Variants in ZNF280D observed in about 807,000 individuals in gnomAD.
ZNF280D encodes suppressor of hairy wing homolog 4.
Under a neutral mutation model 94.7 loss-of-function variants are expected in ZNF280D, and 39 were observed. That is an observed-to-expected ratio of 0.41 (90% CI 0.32 to 0.54). The LOEUF (loss-of-function observed/expected upper bound fraction) is 0.54. Ranked by LOEUF, ZNF280D falls within the 20% of genes least tolerant of loss-of-function variation. The pLI, the probability that ZNF280D is intolerant of heterozygous loss-of-function variation, is 0.22. For synonymous variants in ZNF280D, 398 were observed against 377.6 expected (o/e 1.05, Z -0.63); for missense variants, 1,090 against 1,149.3 (o/e 0.95, Z 0.75).
chr15:56,709,794 T>C (rs1482585834), intron 1 of ZNF280D, among the ~76,000 whole-genome samples: 1 of 151,816 alleles, frequency 6.6e-6, no homozygotes, highest in Non-Finnish European at 1.5e-5. Flanking sequence ...CACTCATAGA[T>C]GGGAATTGAA....
intron 6 of ZNF280D, chr15:56,700,683 G>C (rs1362755532): frequency 2.8e-6 from 4 of 1,419,358 alleles, no homozygotes; most frequent in African/African-American, 1.4e-5. Context: ...CATTTTGATA[G>C]TATAGTTTTC....
chr15:56,675,503 G>A (rs1339231986), intron 13 of ZNF280D, among the ~76,000 whole-genome samples: 2 of 151,558 alleles, frequency 1.3e-5, no homozygotes, highest in African/African-American at 4.9e-5. Context: ...ATAAATATCT[G>A]TATTAAATTT....
At chr15:56,653,811 T>C (rs2140678087) in intron 19 of ZNF280D, 4 of 1,259,926 alleles carry the variant, frequency 3.2e-6, no homozygotes, top group South Asian at 2.9e-5. Flanking sequence ...TAGCAACAAA[T>C]GTTATTTTTA....
intron 1 of ZNF280D, among the ~76,000 whole-genome samples, chr15:56,723,583 A>C (rs979270276): frequency 2.0e-5 from 3 of 152,170 alleles, no homozygotes; most frequent in Non-Finnish European, 4.4e-5. Context: ...CCCTTTTTCT[A>C]CTAAACTGCC....
intron 19 of ZNF280D, chr15:56,652,493 CAATAT>C (rs2053264688): frequency 2.6e-6 from 1 of 390,042 alleles, no homozygotes; most frequent in African/African-American, 2.2e-5. Flanking sequence ...GGCACTTAAA[CAATAT>C]AATTTTTATT....
At chr15:56,727,827 T>C (rs2058701982) in intron 1 of ZNF280D, among the ~76,000 whole-genome samples, 2 of 152,098 alleles carry the variant, frequency 1.3e-5, no homozygotes, top group African/African-American at 4.8e-5. Flanking sequence ...CTTGGATGAG[T>C]TACTTTAGAT....
At position 56,654,365 on chromosome 15, in the gene ZNF280D, G is replaced by A. The variant is rs1470908913; in HGVS notation, c.2176+20C>T. ...GAATAAAAGTCAAAAATCTAAAGTA[G>A]CACAGTTACATATACGTACCTTTCT... On this transcript the variant is annotated intron_variant, in intron 18 of 21. Coordinates refer to ENST00000267807, the MANE Select transcript of ZNF280D (RefSeq NM_017661.4). 2 of 1,599,474 alleles carry A rather than the reference G, an allele frequency of 1.3e-6. No individual in the cohort carries two copies. The highest frequency in any genetic ancestry group is 1.7e-6 in the Non-Finnish European group (2 of 1,175,920).
At chr15:56,659,020 T>C (rs1183768275) in intron 16 of ZNF280D, among the ~76,000 whole-genome samples, 1 of 151,804 alleles carries the variant, frequency 6.6e-6, no homozygotes, top group Non-Finnish European at 1.5e-5. Context: ...TAATTACTAG[T>C]AGACTTTTTT....
rs1259988865 is a variant in ZNF280D at position 56,733,475 on chromosome 15, G to A, written c.-103C>T. ...GCGCTTACCGTGAGCGGAGCGGATC[G>A]GCCTGACTGGAGCCCTGAGGAGGAG... On this transcript the variant is annotated 5_prime_UTR_variant, in exon 1 of 22. Transcript: ENST00000267807. 1 of 1,116,748 alleles carries A rather than the reference G, an allele frequency of 9.0e-7. No individual in the cohort carries two copies. Among genetic ancestry groups the A allele is most frequent in the Non-Finnish European group, 1.1e-6 (1 of 905,610 alleles). 69.2% of individuals were successfully genotyped at this position (1,116,748 alleles called of 1,614,324 possible).
chr15:56,699,635 C>T, intron 6 of ZNF280D: 1 of 881,216 alleles, frequency 1.1e-6, no homozygotes, highest in Non-Finnish European at 1.4e-6. Flanking sequence ...ATTGTAAATA[C>T]TTTAAAGATT....
Position 56,722,331 on chromosome 15 carries a change from T to C in ZNF280D, c.-86+11127A>G, listed in dbSNP as rs370190330. Among the ~76,000 whole-genome samples, 54 of 152,328 alleles carry C rather than the reference T, an allele frequency of 3.5e-4. No homozygotes were observed. In the South Asian group the frequency reaches 8.1e-3, roughly 23 times the overall value. On this transcript the variant is annotated intron_variant, in intron 1 of 21. Coordinates refer to ENST00000267807, the MANE Select transcript of ZNF280D (RefSeq NM_017661.4). ...CACGCTGTTGGAAAAATGGCTGAGATAGACTTGCTCAACAAAGTTGCCACA... is the reference window on the plus strand; with the variant it reads ...CACGCTGTTGGAAAAATGGCTGAGACAGACTTGCTCAACAAAGTTGCCACA...
chr15:56,694,608 C>A (rs1362875475), intron 6 of ZNF280D, among the ~76,000 whole-genome samples: 1 of 152,100 alleles, frequency 6.6e-6, no homozygotes, highest in African/African-American at 2.4e-5. Flanking sequence ...ATAAAAACAA[C>A]AGCAACATTT....
At chr15:56,664,324 C>A (rs1270697970) in intron 16 of ZNF280D, among the ~76,000 whole-genome samples, 2 of 152,076 alleles carry the variant, frequency 1.3e-5, no homozygotes, top group African/African-American at 2.4e-5. Flanking sequence ...ATAAGGAAAA[C>A]AGGCAGTTGG....
At chr15:56,664,743 T>C (rs1380058096) in intron 16 of ZNF280D, among the ~76,000 whole-genome samples, 2 of 152,206 alleles carry the variant, frequency 1.3e-5, no homozygotes, top group Non-Finnish European at 2.9e-5. Flanking sequence ...AAATCAGAGT[T>C]GACTAAATCA....
chr15:56,715,277 C>CT (rs1293637053), intron 1 of ZNF280D, among the ~76,000 whole-genome samples: 6 of 152,004 alleles, frequency 3.9e-5, no homozygotes, highest in Admixed American at 1.3e-4. Flanking sequence ...TTCATTAGCA[C>CT]TTTTTTTAAA....
intron 1 of ZNF280D, among the ~76,000 whole-genome samples, chr15:56,709,614 G>A (rs1387261712): frequency 6.6e-6 from 1 of 152,136 alleles, no homozygotes; most frequent in African/African-American, 2.4e-5. Flanking sequence ...CAACCCAAAT[G>A]TCCATCAACG....
In ZNF280D at chr15:56,636,485, ATT is replaced by A. The variant is rs71113011; in HGVS notation, c.2260-1237_2260-1236del. On this transcript the variant is annotated intron_variant, in intron 20 of 21. Coordinates refer to ENST00000267807, the MANE Select transcript of ZNF280D (RefSeq NM_017661.4). The stretch of plus-strand genomic sequence containing the variant: ...CTAAAACTTAACTTCCTTCCTTCCT[ATT>A]TTTTTTTTTTTTTTTTGACAGAGTC... Among the ~76,000 whole-genome samples, 43 of 130,180 alleles carry A rather than the reference ATT, an allele frequency of 3.3e-4. No individual in the cohort carries two copies. The South Asian group carries it at 8.5e-3, about 26-fold the overall frequency. 85.4% of individuals were successfully genotyped at this position (130,180 alleles called of 152,430 possible).
At chr15:56,664,727 T>G (rs1230044123) in intron 16 of ZNF280D, among the ~76,000 whole-genome samples, 1 of 152,104 alleles carries the variant, frequency 6.6e-6, no homozygotes, top group Non-Finnish European at 1.5e-5. Context: ...AGAATTAAAG[T>G]TTTTGAAATC....
chr15:56,641,661 A>C (rs2052635200), intron 20 of ZNF280D, among the ~76,000 whole-genome samples: 1 of 151,848 alleles, frequency 6.6e-6, no homozygotes, highest in Admixed American at 6.6e-5. Context: ...TCTTCTGTTA[A>C]ATTATGATGA....
Sources: allele counts gnomAD v4.1 joint callset (sites outside exome capture counted in the v4.1 genomes callset), GRCh38; gene constraint gnomAD v4.1.1; transcripts MANE v1.5; gene names NCBI Gene and HGNC (gene_info 2026-07-23, HGNC 2026-07-21).